Variants in ADGRL3 observed in about 807,000 individuals in gnomAD.
ADGRL3 encodes adhesion G protein-coupled receptor L3, also known as calcium-independent alpha-latrotoxin receptor 3.
ADGRL3 carries 62 observed loss-of-function variants against 153.5 expected under a neutral mutation model. That is an observed-to-expected ratio of 0.40 (90% CI 0.33 to 0.50). ADGRL3 has a LOEUF of 0.50. Among genes scored for constraint, ADGRL3 ranks in the 20% least tolerant of loss-of-function variants. The pLI is 0.47. For synonymous variants in ADGRL3, 710 were observed against 672.5 expected (o/e 1.06, Z -0.86); for missense variants, 1,641 against 1,859.4 (o/e 0.88, Z 2.16).
At chr4:61,408,031 T>C (rs1395500776) in intron 2 of ADGRL3, among the ~76,000 whole-genome samples, 2 of 151,926 alleles carry the variant, frequency 1.3e-5, no homozygotes, top group African/African-American at 4.8e-5. Context: ...AAATGAGAAA[T>C]TGGGGCTTCT....
intron 2 of ADGRL3, among the ~76,000 whole-genome samples, chr4:61,481,764 C>T (rs892733856): frequency 1.1e-4 from 17 of 151,552 alleles, no homozygotes; most frequent in Non-Finnish European, 1.9e-4. Context: ...CACAAGGCCA[C>T]TATTTTATCT....
chr4:61,900,002 C>T (rs185436862), intron 11 of ADGRL3, among the ~76,000 whole-genome samples: 3 of 152,292 alleles, frequency 2.0e-5, no homozygotes, highest in Admixed American at 2.0e-4. Flanking sequence ...TCAGACCGTG[C>T]AACCTCCTTC....
chr4:61,738,404 T>C (rs1487252319), intron 8 of ADGRL3, among the ~76,000 whole-genome samples: 2 of 152,198 alleles, frequency 1.3e-5, no homozygotes, highest in Non-Finnish European at 2.9e-5. Flanking sequence ...ACCTTTTGTG[T>C]GTAATGACCT....
intron 8 of ADGRL3, among the ~76,000 whole-genome samples, chr4:61,812,672 C>G (rs368290509): frequency 1.1e-4 from 16 of 152,216 alleles, no homozygotes; most frequent in South Asian, 1.0e-3. Context: ...ATCCTAATTG[C>G]TTATTATTAT....
rs375392280 is a variant in ADGRL3 at position 61,800,829 on chromosome 4, T to C, written c.1400-12980T>C. Among the ~76,000 whole-genome samples, 165 of 152,330 alleles carry C rather than the reference T, an allele frequency of 1.1e-3. 1 individual carries two copies. The South Asian group carries it at 0.024, about 23-fold the overall frequency. Reference sequence around the variant, plus strand: ...AAATGATCCCTTTTTGTGTGTAATATGGTCAGGATGATGTGATGACAGTGT... The same window carrying C: ...AAATGATCCCTTTTTGTGTGTAATACGGTCAGGATGATGTGATGACAGTGT... On this transcript the variant is annotated intron_variant, in intron 8 of 26. Transcript: ENST00000683033.
chr4:61,419,746 A>G (rs17219815), intron 2 of ADGRL3, among the ~76,000 whole-genome samples: 4,925 of 152,138 alleles, frequency 0.032, 253 homozygotes, highest in East Asian at 0.21. Flanking sequence ...TGTTATTTTC[A>G]CAGATTTAAA....
intron 17 of ADGRL3, among the ~76,000 whole-genome samples, chr4:61,949,511 G>A (rs1215123536): frequency 1.3e-5 from 2 of 151,914 alleles, no homozygotes; most frequent in Admixed American, 1.3e-4. Context: ...CAGACTGACT[G>A]ACATGGCAAA....
chr4:61,538,726 G>A (rs935167840), intron 4 of ADGRL3, among the ~76,000 whole-genome samples: 4 of 152,136 alleles, frequency 2.6e-5, no homozygotes, highest in African/African-American at 7.2e-5. Context: ...ACAGACATGA[G>A]CCACCATGCC....
At chr4:62,038,394 A>C (rs1726269729) in intron 24 of ADGRL3, among the ~76,000 whole-genome samples, 1 of 152,148 alleles carries the variant, frequency 6.6e-6, no homozygotes, top group Non-Finnish European at 1.5e-5. Context: ...CCATTCGCCC[A>C]GCACTAGACG....
chr4:61,555,821 T>C (rs929349600), intron 4 of ADGRL3, among the ~76,000 whole-genome samples: 6 of 152,156 alleles, frequency 3.9e-5, no homozygotes, highest in African/African-American at 1.2e-4. Context: ...CCATATAGGG[T>C]AACTTCCTGA....
At chr4:61,606,035 AG>A (rs765055476) in intron 5 of ADGRL3, among the ~76,000 whole-genome samples, 1 of 152,198 alleles carries the variant, frequency 6.6e-6, no homozygotes, top group Non-Finnish European at 1.5e-5. Flanking sequence ...AGGTAATTAA[AG>A]TATCCCTGGA....
In ADGRL3 at chr4:61,846,170, A is replaced by G. The variant is rs764492078; in HGVS notation, c.1480+32281A>G. ...ATCTCTACAAAAGATTTTAAAAATC[A>G]GGGGAGTATGGAGATGCACACTTGT... On this transcript the variant is annotated intron_variant, in intron 9 of 26. Transcript: ENST00000683033. Among the ~76,000 whole-genome samples, 75 of 151,898 alleles carry G rather than the reference A, an allele frequency of 4.9e-4. 1 individual carries two copies. Among genetic ancestry groups the G allele is most frequent in the Non-Finnish European group, 4.6e-4 (31 of 67,980 alleles).
intron 2 of ADGRL3, among the ~76,000 whole-genome samples, chr4:61,494,539 TTTC>T (rs2098292677): frequency 6.6e-6 from 1 of 152,232 alleles, no homozygotes; most frequent in African/African-American, 2.4e-5. Flanking sequence ...GCTTTCAAAA[TTTC>T]TTTTCTGAGT....
intron 9 of ADGRL3, among the ~76,000 whole-genome samples, chr4:61,826,835 G>A (rs1257925331): frequency 7.9e-5 from 12 of 151,968 alleles, no homozygotes; most frequent in Non-Finnish European, 1.5e-4. Flanking sequence ...GTTAATGGGT[G>A]CAGCACACCA....
At chr4:61,753,465 A>G (rs1448455215) in intron 8 of ADGRL3, among the ~76,000 whole-genome samples, 1 of 152,196 alleles carries the variant, frequency 6.6e-6, no homozygotes, top group Non-Finnish European at 1.5e-5. Flanking sequence ...GGAAGTTTCC[A>G]GTCTCAATGT....
intron 1 of ADGRL3, among the ~76,000 whole-genome samples, chr4:61,285,498 T>A (rs1004395905): frequency 6.6e-6 from 1 of 151,784 alleles, no homozygotes; most frequent in East Asian, 1.9e-4. Flanking sequence ...ATTTATATAT[T>A]TTTTTAGCAG....
chr4:61,658,832 T>C (rs2094512901), intron 5 of ADGRL3, among the ~76,000 whole-genome samples: 1 of 152,160 alleles, frequency 6.6e-6, no homozygotes, highest in South Asian at 2.1e-4. Context: ...AAACCTGCCC[T>C]GAAAGCCCTT....
intron 1 of ADGRL3, among the ~76,000 whole-genome samples, chr4:61,239,420 A>G (rs137897613): frequency 4.9e-4 from 75 of 152,252 alleles, no homozygotes; most frequent in African/African-American, 1.7e-3. Flanking sequence ...ACTTCGTCCT[A>G]TATAGAATTC....
At chr4:61,430,189 A>G (rs2097338546) in intron 2 of ADGRL3, among the ~76,000 whole-genome samples, 1 of 152,162 alleles carries the variant, frequency 6.6e-6, no homozygotes, top group Non-Finnish European at 1.5e-5. Context: ...ATTAATAGAA[A>G]AATATCCTAT....
Sources: gnomAD v4.1 joint callset for allele counts (sites outside exome capture counted in the v4.1 genomes callset) on GRCh38, gnomAD v4.1.1 for gene constraint, MANE v1.5 for transcripts, NCBI Gene and HGNC (gene_info 2026-07-23, HGNC 2026-07-21) for gene names.